The following PDS5A variants were observed in gnomAD, a reference collection of about 807,000 sequenced individuals.
The protein encoded by PDS5A is PDS5 cohesin associated factor A, also known as sister chromatid cohesion protein PDS5 homolog A.
A neutral mutation model predicts 167.1 loss-of-function variants in PDS5A; 42 were observed. The ratio of observed to expected loss-of-function variants is 0.25; its 90% CI spans 0.20 to 0.33. PDS5A has a LOEUF of 0.33. Among genes scored for constraint, PDS5A ranks in the 10% least tolerant of loss-of-function variants. The pLI is 1.00. For missense variants in PDS5A, 1,033 were observed against 1,605.9 expected (o/e 0.64, Z 6.10); for synonymous variants, 553 against 554.6 (o/e 1.00, Z 0.04).
intron 17 of PDS5A, among the ~76,000 whole-genome samples, chr4:39,881,609 A>G (rs1390533316): frequency 6.6e-6 from 1 of 152,152 alleles, no homozygotes; most frequent in East Asian, 1.9e-4. Flanking sequence ...GGTGTTTACT[A>G]TATTCACAAG....
intron 21 of PDS5A, among the ~76,000 whole-genome samples, chr4:39,870,107 T>C (rs1258328765): frequency 6.6e-6 from 1 of 151,462 alleles, no homozygotes; most frequent in Non-Finnish European, 1.5e-5. Flanking sequence ...AGACTCCATC[T>C]CAAAAACACA....
At chr4:39,932,496 G>A (rs1006718167) in intron 2 of PDS5A, 1 of 228,138 alleles carries the variant, frequency 4.4e-6, no homozygotes, top group Non-Finnish European at 9.9e-6. Flanking sequence ...TGAAGGTCCT[G>A]ATGCCATGTA....
chr4:39,839,986 C>T (rs1326840531), intron 31 of PDS5A, among the ~76,000 whole-genome samples: 4 of 151,990 alleles, frequency 2.6e-5, no homozygotes, highest in Non-Finnish European at 1.5e-5. Flanking sequence ...CCCAGCTACT[C>T]AGGAGGCTGA....
chr4:39,887,987 C>T (rs1232849851), intron 17 of PDS5A, among the ~76,000 whole-genome samples: 1 of 152,150 alleles, frequency 6.6e-6, no homozygotes, highest in Non-Finnish European at 1.5e-5. Context: ...TGCAGTGGCT[C>T]ACGCCTGTAA....
intron 18 of PDS5A, among the ~76,000 whole-genome samples, chr4:39,878,756 TTTTC>T (rs1239567274): frequency 6.6e-6 from 1 of 152,112 alleles, no homozygotes; most frequent in Non-Finnish European, 1.5e-5. Flanking sequence ...TTTTTTTTTC[TTTTC>T]TTTTTCGACA....
At chr4:39,918,910 T>C (rs749666607) in intron 7 of PDS5A, among the ~76,000 whole-genome samples, 11 of 152,022 alleles carry the variant, frequency 7.2e-5, no homozygotes, top group Admixed American at 1.3e-4. Context: ...TATGCAGACA[T>C]TGAAAATAAT....
chr4:39,898,947 T>C, intron 14 of PDS5A, 122 bp from the exon 15 acceptor site: 1 of 651,280 alleles, frequency 1.5e-6, no homozygotes, highest in East Asian at 2.9e-5. Flanking sequence ...TTCATCACAG[T>C]CTGCTCAATG....
At position 39,902,445 on chromosome 4, in the gene PDS5A, T is replaced by A; in HGVS notation, c.1401A>T (p.Lys467Asn). 1 of 1,546,898 alleles carries A rather than the reference T, an allele frequency of 6.5e-7. No homozygotes were observed. The highest frequency in any genetic ancestry group is 8.9e-7 in the Non-Finnish European group (1 of 1,128,780). ...NSIDDKLLVE[K>N]IFAQYLVPHN... ...GGGGGACAAGATACTGAGCAAAGATTTTCTCTACCAACAGTCTAGGAAATA... is the reference window on the plus strand; with the variant it reads ...GGGGGACAAGATACTGAGCAAAGATATTCTCTACCAACAGTCTAGGAAATA... Residue 467 changes from lysine to asparagine, a missense_variant, in exon 13 of 33, where the codon AAA becomes AAT. Coordinates refer to ENST00000303538, the MANE Select transcript of PDS5A (RefSeq NM_001100399.2).
Position 39,900,464 on chromosome 4 carries a change from G to T in PDS5A, c.1543C>A (p.His515Asn). ...MWKCQNMLRS[H>N]VRELLDLHKQ... is the part of the protein sequence containing the mutation. ...TGCAAATCCAATAGTTCGCGTACAT[G>T]GCTCCGAAGCATGTTCTGACACTTC... is the stretch of plus-strand genomic sequence containing the variant. The change falls in exon 14 of 33, where the codon CAT becomes AAT. Residue 515 changes from histidine to asparagine, a missense_variant. Coordinates refer to ENST00000303538, the MANE Select transcript of PDS5A (RefSeq NM_001100399.2). 1 of 1,584,838 alleles carries T rather than the reference G, an allele frequency of 6.3e-7. No homozygotes were observed. Among genetic ancestry groups the T allele is most frequent in the Non-Finnish European group, 8.6e-7 (1 of 1,163,666 alleles).
intron 32 of PDS5A, among the ~76,000 whole-genome samples, chr4:39,829,679 C>T (rs866051040): frequency 3.8e-4 from 56 of 146,216 alleles, no homozygotes; most frequent in Non-Finnish European, 7.2e-4. Flanking sequence ...CGGCCAGGCG[C>T]GGTGGCTCAC....
intron 32 of PDS5A, 88 bp from the exon 33 acceptor site, chr4:39,825,576 T>A: frequency 2.0e-6 from 2 of 976,730 alleles, no homozygotes; most frequent in Non-Finnish European, 3.0e-6. Context: ...ATAGTTGTTA[T>A]CTAAAATCTT....
chr4:39,881,213 C>T (rs906556118), intron 17 of PDS5A, among the ~76,000 whole-genome samples: 1 of 152,138 alleles, frequency 6.6e-6, no homozygotes, highest in African/African-American at 2.4e-5. Flanking sequence ...TCCTTGGACA[C>T]AGGGTGATAC....
intron 5 of PDS5A, among the ~76,000 whole-genome samples, chr4:39,923,720 T>TCC (rs1725223763): frequency 1.3e-5 from 2 of 151,548 alleles, no homozygotes; most frequent in African/African-American, 4.9e-5. Flanking sequence ...CCCCAGATTT[T>TCC]TAAAGGTGAT....
At chr4:39,898,223 G>A (rs1242755583) in intron 16 of PDS5A, 166 bp downstream of exon 16, 3 of 1,290,476 alleles carry the variant, frequency 2.3e-6, no homozygotes, top group Non-Finnish European at 2.0e-6. Flanking sequence ...GGCTGAGAGT[G>A]AATGGTAAAT....
At chr4:39,869,597 G>A (rs1222832113) in intron 21 of PDS5A, 135 bp from the exon 22 acceptor site, 3 of 651,970 alleles carry the variant, frequency 4.6e-6, no homozygotes, top group Non-Finnish European at 8.2e-6. Flanking sequence ...CTTGGAAAAG[G>A]ACAAAGTTAG....
At chr4:39,891,540 C>T (rs182224859) in intron 16 of PDS5A, among the ~76,000 whole-genome samples, 7 of 151,722 alleles carry the variant, frequency 4.6e-5, no homozygotes, top group African/African-American at 1.4e-4. Context: ...CCCAGCTACT[C>T]GGGAGGCTGA....
At chr4:39,969,500 C>A (rs1461472792) in intron 2 of PDS5A, among the ~76,000 whole-genome samples, 1 of 152,096 alleles carries the variant, frequency 6.6e-6, no homozygotes, top group African/African-American at 2.4e-5. Flanking sequence ...AACCCCGTGT[C>A]TACTAAAAAT....
rs368289837 is a variant in PDS5A at position 39,922,752 on chromosome 4, T to TAA, written c.528-6_528-5dup. On this transcript the variant is annotated splice_polypyrimidine_tract_variant and splice_region_variant and intron_variant, in intron 5 of 32. Transcript: ENST00000303538. Reference sequence around the variant, plus strand: ...TACCTTCTTATTGTGGCTATTGCTATAAAAAAAAAAAAAAAAGAATAAGTA... The same window carrying TAA: ...TACCTTCTTATTGTGGCTATTGCTATAAAAAAAAAAAAAAAAAAGAATAAGTA... 109,426 of 1,219,848 alleles carry TAA rather than the reference T, an allele frequency of 0.09. 1,540 individuals carry two copies. The highest frequency in any genetic ancestry group is 0.25 in the East Asian group (8,219 of 32,718). 75.6% of individuals were successfully genotyped at this position (1,219,848 alleles called of 1,614,324 possible). A position where few individuals can be genotyped will look rare whatever the true frequency, so the allele number is the denominator to read the frequency against.
rs368289837 is a variant in PDS5A at position 39,922,752 on chromosome 4, TAAAAAA to T, written c.528-10_528-5del. On this transcript the variant is annotated splice_polypyrimidine_tract_variant and splice_region_variant and intron_variant, in intron 5 of 32. Coordinates refer to ENST00000303538, the MANE Select transcript of PDS5A (RefSeq NM_001100399.2). ...TACCTTCTTATTGTGGCTATTGCTATAAAAAAAAAAAAAAAAGAATAAGTAGTAGGA... is the reference window on the plus strand; with the variant it reads ...TACCTTCTTATTGTGGCTATTGCTATAAAAAAAAAAGAATAAGTAGTAGGA... The T allele has an allele frequency of 7.8e-5, 96 of 1,238,510 alleles. 1 individual carries two copies. Among genetic ancestry groups the T allele is most frequent in the Admixed American group, 7.0e-5 (2 of 28,622 alleles). The allele number at this position is 1,238,510 out of a possible 1,614,324, so 76.7% of individuals were successfully genotyped here.
Sources: allele counts gnomAD v4.1 joint callset (sites outside exome capture counted in the v4.1 genomes callset), GRCh38; gene constraint gnomAD v4.1.1; transcripts MANE v1.5; gene names NCBI Gene and HGNC (gene_info 2026-07-23, HGNC 2026-07-21).